The following SIL1 variants were observed in gnomAD, a reference collection of about 807,000 sequenced individuals.
SIL1 encodes the protein nucleotide exchange factor SIL1.
In SIL1, 40 loss-of-function variants were observed where a neutral mutation model predicts 49.1. That is an observed-to-expected ratio of 0.81 (90% confidence interval 0.63 to 1.06). The LOEUF (loss-of-function observed/expected upper bound fraction) is 1.06, where lower values mean the gene tolerates loss of function less well. Among genes scored for constraint, SIL1 ranks in the 50% least tolerant of loss-of-function variants. SIL1 has a pLI of 0.00. For synonymous variants in SIL1, 253 were observed against 250.8 expected (o/e 1.01, Z -0.08); for missense variants, 500 against 572.6 (o/e 0.87, Z 1.29).
chr5:139,060,868 GA>G (rs1045109903), intron 3 of SIL1, among the ~76,000 whole-genome samples: 3 of 152,110 alleles, frequency 2.0e-5, no homozygotes, highest in African/African-American at 7.2e-5. Context: ...ATTAGCCTAG[GA>G]AGCCTGAGGC....
intron 1 of SIL1, among the ~76,000 whole-genome samples, chr5:139,132,893 C>T (rs1750893707): frequency 6.6e-6 from 1 of 152,162 alleles, no homozygotes; most frequent in Non-Finnish European, 1.5e-5. Context: ...GGGACAGAGG[C>T]AGCAGCAGTG....
intron 7 of SIL1, among the ~76,000 whole-genome samples, chr5:138,995,751 C>T (rs1309597039): frequency 3.9e-5 from 6 of 152,224 alleles, no homozygotes; most frequent in Admixed American, 3.9e-4. Context: ...TACCACCAAT[C>T]TACTCTTTAT....
At chr5:138,995,257 T>C (rs1371114698) in intron 7 of SIL1, among the ~76,000 whole-genome samples, 3 of 152,032 alleles carry the variant, frequency 2.0e-5, no homozygotes, top group African/African-American at 4.8e-5. Context: ...CATCTTTTTT[T>C]TTTTTTTGAG....
intron 5 of SIL1, among the ~76,000 whole-genome samples, chr5:139,037,849 C>T (rs1768953292): frequency 6.6e-6 from 1 of 152,170 alleles, no homozygotes; most frequent in South Asian, 2.1e-4. Flanking sequence ...TCTCAGTCTT[C>T]TCAGGCTGCT....
intron 1 of SIL1, among the ~76,000 whole-genome samples, chr5:139,190,591 A>G (rs1400320152): frequency 6.6e-6 from 1 of 152,160 alleles, no homozygotes; most frequent in Non-Finnish European, 1.5e-5. Context: ...CTAGAGTCCC[A>G]CTATTATGTG....
intron 3 of SIL1, among the ~76,000 whole-genome samples, chr5:139,120,073 T>TA (rs1245958735): frequency 1.3e-5 from 2 of 152,338 alleles, no homozygotes; most frequent in African/African-American, 4.8e-5. Flanking sequence ...GCAATATTGC[T>TA]ACCAGAAAGC....
chr5:139,056,875 A>AG (rs1769457644), intron 3 of SIL1, among the ~76,000 whole-genome samples: 3 of 151,936 alleles, frequency 2.0e-5, no homozygotes, highest in Admixed American at 2.0e-4. Context: ...TGGAATAGAA[A>AG]GGGGGGAAAG....
Position 138,947,085 on chromosome 5 carries a change from G to A in SIL1, c.*32C>T. 6.4e-7 allele frequency: 1 copy of A among 1,561,820 alleles called. No homozygotes were observed. Among genetic ancestry groups the A allele is most frequent in the Non-Finnish European group, 8.8e-7 (1 of 1,138,092 alleles). ...ACGCTGGCACCCCTCAGCCTCACTA[G>A]CGGCATCCCAGTCCAGTCCTGGTGT... On this transcript the variant is annotated 3_prime_UTR_variant, in exon 10 of 10. Transcript: ENST00000394817. This position sits in a 1 kb window ranked among gnomAD's most constrained non-coding sequence, Gnocchi z 4.1.
At chr5:139,063,087 G>T (rs1181626765) in intron 3 of SIL1, among the ~76,000 whole-genome samples, 1 of 152,228 alleles carries the variant, frequency 6.6e-6, no homozygotes, top group Non-Finnish European at 1.5e-5. Flanking sequence ...AAGAAGCAGG[G>T]AGGCCACTTG....
chr5:138,988,643 T>G (rs1369266610), intron 7 of SIL1, among the ~76,000 whole-genome samples: 3 of 152,202 alleles, frequency 2.0e-5, no homozygotes, highest in Non-Finnish European at 2.9e-5. Context: ...CTTTATGGAC[T>G]GATAAAGAAT....
intron 3 of SIL1, among the ~76,000 whole-genome samples, chr5:139,057,832 G>A (rs1769489291): frequency 6.6e-6 from 1 of 152,208 alleles, no homozygotes; most frequent in Non-Finnish European, 1.5e-5. Context: ...AGCAGTTTCA[G>A]TGTCTGGTGA....
chr5:139,135,631 A>C (rs1750958195), intron 1 of SIL1, among the ~76,000 whole-genome samples: 1 of 149,210 alleles, frequency 6.7e-6, no homozygotes, highest in African/African-American at 2.5e-5. Flanking sequence ...GTACTCCCAG[A>C]GGTGGAACAC....
Position 138,949,819 on chromosome 5 carries a change from A to AAAAAG in SIL1, c.1029+1347_1029+1351dup, listed in dbSNP as rs909698434. On this transcript the variant is annotated intron_variant, in intron 9 of 9. Transcript: ENST00000394817. ...GTCTCAAAAAAAAAAAAAAAAAAGA[A>AAAAAG]AAAAGAAAAGAAAAGAAAAAAGAAA... is the stretch of plus-strand genomic sequence containing the variant. Among the ~76,000 whole-genome samples the AAAAAG allele has an allele frequency of 1.7e-3, 252 of 151,034 alleles. 1 individual carries two copies. The highest frequency in any genetic ancestry group is 3.1e-3 in the Non-Finnish European group (210 of 67,594).
At position 138,955,086 on chromosome 5, in the gene SIL1, C is replaced by T. The variant is rs554176104; in HGVS notation, c.768-3202G>A. On this transcript the variant is annotated intron_variant, in intron 7 of 9. Coordinates refer to ENST00000394817, the MANE Select transcript of SIL1 (RefSeq NM_022464.5). ...GCCTATGGACTCTGGACCAGAGCTG[C>T]GGCCCACCCCTGGAGGGACCAGTCC... is the stretch of plus-strand genomic sequence containing the variant. Among the ~76,000 whole-genome samples, 15 of 152,318 alleles carry T rather than the reference C, an allele frequency of 9.8e-5. No homozygotes were observed. In the South Asian group the frequency reaches 1.7e-3, roughly 17 times the overall value.
At chr5:139,189,608 G>C (rs556751588) in intron 1 of SIL1, among the ~76,000 whole-genome samples, 1 of 152,312 alleles carries the variant, frequency 6.6e-6, no homozygotes, top group African/African-American at 2.4e-5. Context: ...GATCACCTGA[G>C]GTCAGGAGTT....
intron 3 of SIL1, among the ~76,000 whole-genome samples, chr5:139,075,555 G>A (rs970415108): frequency 6.6e-6 from 1 of 152,104 alleles, no homozygotes; most frequent in Non-Finnish European, 1.5e-5. Context: ...CACAGTCGCT[G>A]CCGCCTCCCT....
intron 7 of SIL1, among the ~76,000 whole-genome samples, chr5:139,005,454 CTTT>C (rs200312457): frequency 6.9e-6 from 1 of 144,030 alleles, no homozygotes; most frequent in Non-Finnish European, 1.5e-5. Context: ...TTTTTTCTTC[CTTT>C]TTTTTTTATT....
intron 7 of SIL1, among the ~76,000 whole-genome samples, chr5:138,955,792 G>T (rs2150380894): frequency 6.6e-6 from 1 of 152,376 alleles, no homozygotes; most frequent in South Asian, 2.1e-4. Context: ...GGGCCCTTTT[G>T]AGTGTGGGGT....
chr5:138,973,786 A>G (rs942693927), intron 7 of SIL1, among the ~76,000 whole-genome samples: 11 of 151,970 alleles, frequency 7.2e-5, no homozygotes, highest in African/African-American at 2.7e-4. Flanking sequence ...AAGTCCCACT[A>G]TGTTGCCCAG....
Sources: gnomAD v4.1 joint callset for allele counts (sites outside exome capture counted in the v4.1 genomes callset) on GRCh38, gnomAD v4.1.1 for gene constraint, Gnocchi (gnomAD v3.1) non-coding constraint, MANE v1.5 for transcripts, NCBI Gene and HGNC (gene_info 2026-07-23, HGNC 2026-07-21) for gene names.